Variants in FSCN2 observed in about 807,000 individuals in gnomAD.
The protein encoded by FSCN2 is fascin-2.
In FSCN2, 46 loss-of-function variants were observed where a neutral mutation model predicts 37.8. The ratio of observed to expected loss-of-function variants is 1.22; its 90% confidence interval spans 0.96 to 1.56. The LOEUF is 1.56. Ranked by LOEUF, FSCN2 falls within the 40% of genes most tolerant of loss-of-function variation. The pLI, the probability that FSCN2 is intolerant of heterozygous loss-of-function variation, is 0.00. For synonymous variants in FSCN2, 351 were observed against 309.4 expected, an observed-to-expected ratio of 1.13 and a Z score of -1.41; for missense variants, 844 against 730.4, an observed-to-expected ratio of 1.16 and a Z score of -1.79.
At chr17:81,529,706 G>A in intron 1 of FSCN2, 2 of 546,420 alleles carry the variant, frequency 3.7e-6, no homozygotes, top group East Asian at 9.1e-5. Context: ...AGCAGGGGCA[G>A]GAGGCCCACA....
At chr17:81,523,698 A>G (rs2032269522), upstream of FSCN2, 1 of 152,326 alleles carries the variant, frequency 6.6e-6, no homozygotes, top group Non-Finnish European at 1.5e-5. Context: ...AGGGCCTGGC[A>G]CTGAGGTGGG....
chr17:81,536,069 C>T, intron 2 of FSCN2, 77 bp from the exon 3 acceptor site: 1 of 1,535,830 alleles, frequency 6.5e-7, no homozygotes, highest in Non-Finnish European at 8.8e-7. Context: ...TCCTTGGAAC[C>T]TGAGGAGGAT....
intron 1 of FSCN2, among the ~76,000 whole-genome samples, chr17:81,533,490 C>G (rs889839537): frequency 6.6e-6 from 1 of 152,240 alleles, no homozygotes; most frequent in African/African-American, 2.4e-5. Context: ...CTGACCTCAG[C>G]CTGACGCCCT....
the FSCN2 span, among the ~76,000 whole-genome samples, chr17:81,519,284 A>AG: frequency 6.6e-6 from 1 of 151,978 alleles, no homozygotes; most frequent in Admixed American, 6.5e-5. Flanking sequence ...AGGTGCACGC[A>AG]GGGCGCGGGC....
the FSCN2 span, among the ~76,000 whole-genome samples, chr17:81,519,566 C>T: frequency 2.0e-5 from 3 of 152,166 alleles, no homozygotes; most frequent in South Asian, 2.1e-4. Context: ...GTCGCGCTGC[C>T]GGAGCCCGCG....
Position 81,536,604 on chromosome 17 carries a change from A to G in FSCN2, c.1106-18A>G. 6.2e-7 allele frequency: 1 copy of G among 1,606,616 alleles called. No homozygotes were observed. Among genetic ancestry groups the G allele is most frequent in the Non-Finnish European group, 8.5e-7 (1 of 1,179,504 alleles). On this transcript the variant is annotated intron_variant, in intron 3 of 4. Coordinates refer to ENST00000417245, the MANE Select transcript of FSCN2 (RefSeq NM_012418.4). ...AAGGTGGCGGGAGGGGCAGCGCAGC[A>G]GACGCTCTCCCCGCCAGGCAAGGAC...
chr17:81,525,162 A>G (rs141927765), upstream of FSCN2, among the ~76,000 whole-genome samples: 11,412 of 152,018 alleles, frequency 0.075, 856 homozygotes, highest in African/African-American at 0.18. Flanking sequence ...ACGGTGGCTC[A>G]CGCCTGTAAT....
In FSCN2 at chr17:81,529,168, G is replaced by T. The variant is rs1555670790; in HGVS notation, c.637G>T (p.Glu213Ter). The change falls in exon 1 of 5, where the codon GAG becomes TAG. Residue 213 changes from glutamate (E) to a stop codon, truncating the protein, a stop_gained. Transcript: ENST00000417245. LOFTEE classifies it high-confidence loss of function. ...EPEPRACYTL[E>*]FKAGKLAFKD... The stretch of plus-strand genomic sequence containing the variant: ...TGAGCCCCGTGCCTGCTACACGCTG[G>T]AGTTCAAGGCGGGCAAGCTGGCCTT... The T allele has an allele frequency of 6.3e-7, 1 of 1,590,792 alleles. No individual in the cohort carries two copies. The highest frequency in any genetic ancestry group is 1.8e-5 in the Admixed American group (1 of 56,540).
chr17:81,536,476 TA>T, intron 3 of FSCN2, 145 bp from the exon 4 acceptor site: 1 of 1,522,866 alleles, frequency 6.6e-7, no homozygotes, highest in East Asian at 2.4e-5. Flanking sequence ...GGGAACCCCC[TA>T]GGCGCCTTGC....
intron 1 of FSCN2, among the ~76,000 whole-genome samples, chr17:81,530,912 C>G (rs577182198): frequency 3.8e-4 from 58 of 152,328 alleles, no homozygotes; most frequent in East Asian, 1.5e-3. Context: ...GGGCCCAGGC[C>G]GGGCATGTGG....
chr17:81,529,155 C>T lies in FSCN2; in HGVS notation c.624C>T (p.Ala208=). Residue 208 remains alanine, a synonymous_variant, in exon 1 of 5, where the codon GCC becomes GCT. Coordinates refer to ENST00000417245, the MANE Select transcript of FSCN2 (RefSeq NM_012418.4). ...TGGTCTGGGAGCCTGAGCCCCGTGCCTGCTACACGCTGGAGTTCAAGGCGG... is the reference window on the plus strand; with the variant it reads ...TGGTCTGGGAGCCTGAGCCCCGTGCTTGCTACACGCTGGAGTTCAAGGCGG... ...GRLVWEPEPR[A]CYTLEFKAGK... 6.3e-7 allele frequency: 1 copy of T among 1,586,532 alleles called. No individual in the cohort carries two copies. The highest frequency in any genetic ancestry group is 8.6e-7 in the Non-Finnish European group (1 of 1,167,950).
upstream of FSCN2, among the ~76,000 whole-genome samples, chr17:81,526,382 G>A (rs1555670105): frequency 6.6e-6 from 1 of 152,248 alleles, no homozygotes; most frequent in Non-Finnish European, 1.5e-5. Flanking sequence ...TATCATCCCA[G>A]CACTTTCAGA....
At chr17:81,520,320 T>C in the FSCN2 span, among the ~76,000 whole-genome samples, 1 of 152,174 alleles carries the variant, frequency 6.6e-6, no homozygotes, top group African/African-American at 2.4e-5. Context: ...GGTCACACCA[T>C]GCCCAGGGAA....
At chr17:81,526,424 A>T (rs1302547605), upstream of FSCN2, among the ~76,000 whole-genome samples, 1 of 152,236 alleles carries the variant, frequency 6.6e-6, no homozygotes, top group Non-Finnish European at 1.5e-5. Flanking sequence ...TGAGGTCAGG[A>T]GTTCGAGACC....
At chr17:81,516,687 G>T in the FSCN2 span, among the ~76,000 whole-genome samples, 2 of 152,234 alleles carry the variant, frequency 1.3e-5, no homozygotes, top group Non-Finnish European at 2.9e-5. Context: ...TCTCCTGGCT[G>T]GTGCCCAGCT....
intron 1 of FSCN2, among the ~76,000 whole-genome samples, chr17:81,532,119 ATGG>A (rs1324097596): frequency 5.5e-5 from 7 of 127,202 alleles, no homozygotes; most frequent in Non-Finnish European, 1.2e-4. Flanking sequence ...GATGGCGATG[ATGG>A]TGATGATAGT....
chr17:81,529,198 G>A lies in FSCN2; in HGVS notation c.667G>A (p.Asp223Asn), dbSNP rs782548253. Residue 223 changes from aspartate (D) to asparagine (N), a missense_variant, in exon 1 of 5, where the codon GAC (aspartate) becomes AAC (asparagine). Physicochemically the swap from Asp to Asn is conservative, Grantham distance 23. Coordinates refer to ENST00000417245, the MANE Select transcript of FSCN2 (RefSeq NM_012418.4). ...CAAGGCGGGCAAGCTGGCCTTCAAG[G>A]ACTGCGACGGCCACTACCTGGCACC... The part of the protein sequence containing the change: ...EFKAGKLAFK[D>N]CDGHYLAPVG... 3.9e-5 allele frequency: 63 copies of A among 1,596,494 alleles called. No homozygotes were observed. The highest frequency in any genetic ancestry group is 5.4e-5 in the Non-Finnish European group (63 of 1,172,644).
At position 81,536,624 on chromosome 17, in the gene FSCN2, A is replaced by G. The variant is rs781114943; in HGVS notation, c.1108A>G (p.Lys370Glu). The change falls in exon 4 of 5, where the codon AAG becomes GAG. Residue 370 changes from lysine (K) to glutamate (E), a missense_variant and splice_region_variant. By Grantham distance (56) the Lys-to-Glu change is moderately conservative (BLOSUM62 1). Transcript: ENST00000417245. ...QLAAISDFVG[K>E]DEEFTLKLIN... ...GCAGCAGACGCTCTCCCCGCCAGGC[A>G]AGGACGAAGAGTTCACCCTCAAGCT... is the stretch of plus-strand genomic sequence containing the variant. 1.2e-6 allele frequency: 2 copies of G among 1,609,334 alleles called. No individual in the cohort carries two copies. Among genetic ancestry groups the G allele is most frequent in the Non-Finnish European group, 1.7e-6 (2 of 1,179,664 alleles).
At chr17:81,519,025 G>A in the FSCN2 span, 9 of 152,222 alleles carry the variant, frequency 5.9e-5, no homozygotes, top group African/African-American at 2.2e-4. Flanking sequence ...GGCGTGGCTG[G>A]GAGACCGGCT....
Sources: allele counts gnomAD v4.1 joint callset (sites outside exome capture counted in the v4.1 genomes callset), GRCh38; gene constraint gnomAD v4.1.1; transcripts MANE v1.5; gene names NCBI Gene and HGNC (gene_info 2026-07-23, HGNC 2026-07-21).